EXOC4: variants seen among roughly 807,000 people sequenced by gnomAD.
The protein encoded by EXOC4 is exocyst complex component 4, also known as SEC8-like 1.
In EXOC4, 71 loss-of-function variants were observed where a neutral mutation model predicts 107.2. That is an observed-to-expected ratio of 0.66 (90% confidence interval 0.55 to 0.81). The LOEUF is 0.81. EXOC4 is among the 30% of genes least tolerant of loss of function. EXOC4 has a pLI of 0.00. For missense variants in EXOC4, 1,108 were observed against 1,189.6 expected (o/e 0.93, Z 1.01); for synonymous variants, 456 against 441.2 (o/e 1.03, Z -0.42).
chr7:133,386,125 C>T (rs1463744740), intron 7 of EXOC4, among the ~76,000 whole-genome samples: 1 of 151,882 alleles, frequency 6.6e-6, no homozygotes, highest in Non-Finnish European at 1.5e-5. Flanking sequence ...AGAGATTTGT[C>T]TTTTCCTCTT....
chr7:133,365,681 A>G (rs1325402514), intron 6 of EXOC4, among the ~76,000 whole-genome samples: 2 of 152,218 alleles, frequency 1.3e-5, no homozygotes, highest in Admixed American at 1.3e-4. Flanking sequence ...AATAAGTGGT[A>G]AAACGTATTT....
Position 134,004,800 on chromosome 7 carries a change from CTTACAT to C in EXOC4, c.2349-108_2349-103del, listed in dbSNP as rs1051804788. The C allele has an allele frequency of 7.9e-6, 7 of 887,920 alleles. No individual in the cohort carries two copies. In the Admixed American group the frequency reaches 1.8e-4, roughly 22 times the overall value. 55.0% of individuals were successfully genotyped at this position (887,920 alleles called of 1,614,324 possible). On this transcript the variant is annotated intron_variant, in intron 15 of 17. Transcript: ENST00000253861. ...GTAAGTGTTGGCTATCATGGCTAGT[CTTACAT>C]TTATTAATGATAATTTATTAGTTAT...
intron 10 of EXOC4, among the ~76,000 whole-genome samples, chr7:133,692,981 T>G (rs896708616): frequency 6.6e-6 from 1 of 152,176 alleles, no homozygotes; most frequent in African/African-American, 2.4e-5. Flanking sequence ...ATAGGGAAAC[T>G]GAGGTCCAGA....
chr7:133,393,511 T>A (rs898797320), intron 7 of EXOC4, among the ~76,000 whole-genome samples: 21 of 152,180 alleles, frequency 1.4e-4, no homozygotes, highest in Admixed American at 1.2e-3. Context: ...ATGTCCCCCC[T>A]ACCCCATATT....
At chr7:133,787,952 TA>T (rs1157850161) in intron 10 of EXOC4, among the ~76,000 whole-genome samples, 36 of 14,992 alleles carry the variant, frequency 2.4e-3, no homozygotes, top group African/African-American at 4.7e-3. Context: ...CCTGTGCATA[TA>T]TTTATATATT....
chr7:133,322,089 G>A (rs1436586459), intron 5 of EXOC4, among the ~76,000 whole-genome samples: 1 of 152,102 alleles, frequency 6.6e-6, no homozygotes, highest in East Asian at 1.9e-4. Flanking sequence ...TTGTACATTT[G>A]TTTAAGTTCT....
chr7:133,516,259 G>A (rs1473310515), intron 9 of EXOC4, among the ~76,000 whole-genome samples: 1 of 152,086 alleles, frequency 6.6e-6, no homozygotes, highest in Non-Finnish European at 1.5e-5. Flanking sequence ...GTGGTTTTTA[G>A]GGTGTTCACA....
chr7:133,599,709 A>G (rs1801761533), intron 9 of EXOC4, among the ~76,000 whole-genome samples: 2 of 152,088 alleles, frequency 1.3e-5, no homozygotes, highest in South Asian at 4.1e-4. Flanking sequence ...TGTGTGGAGT[A>G]TATTGTGTCC....
rs372017071 is a variant in EXOC4 at position 133,519,645 on chromosome 7, T to G, written c.1417+39507T>G. 1.2e-4 allele frequency among the ~76,000 whole-genome samples: 18 copies of G among 152,244 alleles called. No homozygotes were observed. In the East Asian group the frequency reaches 3.1e-3, roughly 26 times the overall value. On this transcript the variant is annotated intron_variant, in intron 9 of 17. Transcript: ENST00000253861. ...AAGAGGAATCAATCCATAGCCTTTT[T>G]AATAGAAAAGAAAAATATGATAGAA...
chr7:134,042,897 C>T (rs1405218604), intron 17 of EXOC4, among the ~76,000 whole-genome samples: 2 of 152,094 alleles, frequency 1.3e-5, no homozygotes, highest in Non-Finnish European at 2.9e-5. Flanking sequence ...ATTAGCTGGC[C>T]GTGGTGGCGC....
At chr7:133,351,851 C>T (rs867558785) in intron 5 of EXOC4, among the ~76,000 whole-genome samples, 2 of 151,904 alleles carry the variant, frequency 1.3e-5, no homozygotes, top group South Asian at 2.1e-4. Flanking sequence ...TTTCCTGCAT[C>T]CTGTAAATTG....
chr7:134,014,985 A>G (rs781777013), intron 17 of EXOC4, among the ~76,000 whole-genome samples: 46 of 152,188 alleles, frequency 3.0e-4, no homozygotes, highest in Non-Finnish European at 5.3e-4. Flanking sequence ...GAAGGAGGTG[A>G]TACTTCATAT....
At chr7:133,971,349 TATATATATATATAGAGAGAGAGAGAGAG>T (rs2116875821) in intron 14 of EXOC4, among the ~76,000 whole-genome samples, 1 of 99,964 alleles carries the variant, frequency 1.0e-5, no homozygotes, top group African/African-American at 4.2e-5. Flanking sequence ...TATATATATA[TATATATATATATAGAGAGAGAGAGAGAG>T]AGAGAGAGAG....
chr7:133,686,029 A>G (rs1199543028), intron 10 of EXOC4, among the ~76,000 whole-genome samples: 2 of 152,124 alleles, frequency 1.3e-5, no homozygotes, highest in African/African-American at 4.8e-5. Flanking sequence ...ATGTTGCTGC[A>G]ATAGACATGA....
intron 6 of EXOC4, among the ~76,000 whole-genome samples, chr7:133,369,253 T>C (rs946940321): frequency 2.6e-5 from 4 of 152,350 alleles, no homozygotes; most frequent in Admixed American, 1.3e-4. Context: ...TAATCTCTTA[T>C]TCTTTGCTGC....
the EXOC4 span, among the ~76,000 whole-genome samples, chr7:134,078,473 C>T: frequency 6.6e-6 from 1 of 152,044 alleles, no homozygotes; most frequent in Non-Finnish European, 1.5e-5. Context: ...GCCCCTTTTT[C>T]CTTAGGAACT....
chr7:133,573,420 G>A (rs1447349231), intron 9 of EXOC4, among the ~76,000 whole-genome samples: 4 of 152,132 alleles, frequency 2.6e-5, no homozygotes, highest in Non-Finnish European at 1.5e-5. Flanking sequence ...GCTTAGGATA[G>A]CCCTTCACTC....
intron 6 of EXOC4, among the ~76,000 whole-genome samples, chr7:133,358,889 T>C (rs1237182092): frequency 1.3e-5 from 2 of 152,186 alleles, no homozygotes; most frequent in African/African-American, 4.8e-5. Flanking sequence ...ATACTAAATG[T>C]TTCTCTATGA....
At chr7:133,840,804 G>A (rs999864084) in intron 11 of EXOC4, among the ~76,000 whole-genome samples, 1 of 152,084 alleles carries the variant, frequency 6.6e-6, no homozygotes, top group African/African-American at 2.4e-5. Context: ...TCCTTACCAA[G>A]TTTGTGGTTC....
Sources: allele counts gnomAD v4.1 joint callset (sites outside exome capture counted in the v4.1 genomes callset), GRCh38; gene constraint gnomAD v4.1.1; transcripts MANE v1.5; gene names NCBI Gene and HGNC (gene_info 2026-07-23, HGNC 2026-07-21).